CSMD1: variants seen among roughly 807,000 people sequenced by gnomAD.
The protein encoded by CSMD1 is CUB and sushi domain-containing protein 1.
A neutral mutation model predicts 417.5 loss-of-function variants in CSMD1; 213 were observed. That is an observed-to-expected ratio of 0.51 (90% CI 0.46 to 0.57). The LOEUF (loss-of-function observed/expected upper bound fraction) is 0.57, where lower values mean the gene tolerates loss of function less well. CSMD1 is among the 20% of genes least tolerant of loss of function. The pLI is 0.00. For missense variants in CSMD1, 6,923 were observed against 4,529.7 expected (o/e 1.53, Z -15.17); for synonymous variants, 2,862 against 1,736.8 (o/e 1.65, Z -16.11).
At chr8:4,027,143 T>A (rs1291723019) in intron 4 of CSMD1, among the ~76,000 whole-genome samples, 2 of 152,170 alleles carry the variant, frequency 1.3e-5, no homozygotes, top group African/African-American at 4.8e-5. Context: ...TTGGGTACAC[T>A]ACCAGGTGGA....
intron 2 of CSMD1, among the ~76,000 whole-genome samples, chr8:4,451,910 C>A (rs990348888): frequency 6.7e-6 from 1 of 150,302 alleles, no homozygotes; most frequent in African/African-American, 2.4e-5. Flanking sequence ...TAAAATGATA[C>A]CTGCCCAGAG....
At chr8:3,914,690 G>T (rs528522178) in intron 5 of CSMD1, among the ~76,000 whole-genome samples, 8 of 152,080 alleles carry the variant, frequency 5.3e-5, no homozygotes, top group Non-Finnish European at 1.0e-4. Flanking sequence ...TGGTTGTCAA[G>T]TTGAAAGATG....
intron 3 of CSMD1, among the ~76,000 whole-genome samples, chr8:4,178,639 T>C (rs1798187861): frequency 6.6e-6 from 1 of 152,078 alleles, no homozygotes; most frequent in African/African-American, 2.4e-5. Flanking sequence ...GGAAGTCAAA[T>C]TGTCCCTTTT....
At chr8:4,262,968 T>G (rs527924279) in intron 3 of CSMD1, among the ~76,000 whole-genome samples, 2 of 152,292 alleles carry the variant, frequency 1.3e-5, no homozygotes, top group South Asian at 4.1e-4. Flanking sequence ...AGTCTCCAAG[T>G]AGAATCACAT....
At chr8:4,192,690 G>C (rs924309754) in intron 3 of CSMD1, among the ~76,000 whole-genome samples, 2 of 152,140 alleles carry the variant, frequency 1.3e-5, no homozygotes, top group African/African-American at 4.8e-5. Context: ...TCTTAAATCT[G>C]TATTGCTCAC....
intron 8 of CSMD1, among the ~76,000 whole-genome samples, chr8:3,606,873 G>A (rs1223665799): frequency 6.6e-6 from 1 of 151,878 alleles, no homozygotes; most frequent in East Asian, 1.9e-4. Flanking sequence ...ACCACGCCCG[G>A]CAAATTTTTT....
chr8:4,434,150 C>T (rs185559136), intron 2 of CSMD1, among the ~76,000 whole-genome samples: 2 of 152,234 alleles, frequency 1.3e-5, no homozygotes, highest in Admixed American at 1.3e-4. Context: ...ACAGCTTGGC[C>T]AACATGGTGA....
intron 10 of CSMD1, among the ~76,000 whole-genome samples, chr8:3,532,979 T>C (rs1253540100): frequency 2.0e-5 from 3 of 152,216 alleles, no homozygotes; most frequent in Non-Finnish European, 4.4e-5. Flanking sequence ...ATCACCTCAT[T>C]TTATACATTC....
intron 3 of CSMD1, among the ~76,000 whole-genome samples, chr8:4,365,495 G>C (rs1802018125): frequency 6.6e-6 from 1 of 152,218 alleles, no homozygotes; most frequent in African/African-American, 2.4e-5. Flanking sequence ...CCTTAGGGCA[G>C]TGCTACGAAT....
At position 2,936,767 on chromosome 8, in the gene CSMD1, G is replaced by A. The variant is rs900357576; in HGVS notation, c.*1818C>T. ...TACGGAAATGTCCGAATCAAAACGC[G>A]TGACTCTCCAAAGAATGCCCCATTT... is the stretch of plus-strand genomic sequence containing the variant. On this transcript the variant is annotated 3_prime_UTR_variant, in exon 70 of 70. Coordinates refer to ENST00000635120, the MANE Select transcript of CSMD1 (RefSeq NM_033225.6). 1.3e-5 allele frequency: 2 copies of A among 152,204 alleles called. No individual in the cohort carries two copies. The highest frequency in any genetic ancestry group is 4.8e-5 in the African/African-American group (2 of 41,454). The allele number at this position is 152,204 out of a possible 1,614,324, so 9.4% of individuals were successfully genotyped here.
At chr8:3,136,555 G>A (rs924851734) in intron 41 of CSMD1, among the ~76,000 whole-genome samples, 11 of 152,226 alleles carry the variant, frequency 7.2e-5, no homozygotes, top group African/African-American at 1.9e-4. Flanking sequence ...ATGAGCCACC[G>A]TGACCGGCTC....
chr8:3,890,774 A>G (rs1469963386), intron 5 of CSMD1, among the ~76,000 whole-genome samples: 1 of 152,166 alleles, frequency 6.6e-6, no homozygotes, highest in Admixed American at 6.5e-5. Context: ...ATGTTTGAGC[A>G]AATTTTTGTC....
At chr8:4,307,019 C>G (rs553215424) in intron 3 of CSMD1, among the ~76,000 whole-genome samples, 1 of 152,106 alleles carries the variant, frequency 6.6e-6, no homozygotes, top group Non-Finnish European at 1.5e-5. Flanking sequence ...CCCTCTTCGT[C>G]GCCTGCACCA....
chr8:4,701,784 TG>T (rs5889051), intron 1 of CSMD1, among the ~76,000 whole-genome samples: 101,801 of 151,736 alleles, frequency 0.67, 35,449 homozygotes, highest in African/African-American at 0.86. Flanking sequence ...AAACCTTGGG[TG>T]GAAGATTTAA....
intron 1 of CSMD1, among the ~76,000 whole-genome samples, chr8:4,858,396 T>A (rs1320809444): frequency 6.6e-6 from 1 of 150,926 alleles, no homozygotes; most frequent in Non-Finnish European, 1.5e-5. Flanking sequence ...TTCAACGTAG[T>A]GTTGGAAGTT....
chr8:4,055,005 T>G (rs1172360704), intron 3 of CSMD1, among the ~76,000 whole-genome samples: 1 of 152,198 alleles, frequency 6.6e-6, no homozygotes, highest in Non-Finnish European at 1.5e-5. Flanking sequence ...GTCATATAAA[T>G]GTGTGTGAAG....
chr8:3,411,658 A>ATATATATATACGTGTATATATACG (rs1812706907), intron 12 of CSMD1, among the ~76,000 whole-genome samples: 1 of 129,606 alleles, frequency 7.7e-6, no homozygotes, highest in South Asian at 2.6e-4. Flanking sequence ...AGTCCATCAT[A>ATATATATATACGTGTATATATACG]TATATATATA....
chr8:3,577,372 T>C (rs961250061), intron 9 of CSMD1, among the ~76,000 whole-genome samples: 2 of 152,220 alleles, frequency 1.3e-5, no homozygotes, highest in Non-Finnish European at 2.9e-5. Flanking sequence ...TCAGAGACAT[T>C]CTTTACCAAA....
intron 3 of CSMD1, among the ~76,000 whole-genome samples, chr8:4,373,116 A>G (rs1041569585): frequency 6.6e-6 from 1 of 152,298 alleles, no homozygotes; most frequent in East Asian, 1.9e-4. Context: ...CTCCAGTCTC[A>G]TCATGAGAAA....
Sources: gnomAD v4.1 joint callset for allele counts (sites outside exome capture counted in the v4.1 genomes callset) on GRCh38, gnomAD v4.1.1 for gene constraint, MANE v1.5 for transcripts, NCBI Gene and HGNC (gene_info 2026-07-23, HGNC 2026-07-21) for gene names.